Variants in FGF20 observed in about 807,000 individuals in gnomAD.
FGF20 encodes fibroblast growth factor 20.
Under a neutral mutation model 16.7 loss-of-function variants are expected in FGF20, and 8 were observed. That is an observed-to-expected ratio of 0.48 (90% CI 0.28 to 0.87). The LOEUF (loss-of-function observed/expected upper bound fraction) is 0.87, where lower values mean the gene tolerates loss of function less well. Among genes scored for constraint, FGF20 ranks in the 40% least tolerant of loss-of-function variants. FGF20 has a pLI of 0.10. For synonymous variants in FGF20, 161 were observed against 118.6 expected (o/e 1.36, Z -2.32); for missense variants, 397 against 281.4 (o/e 1.41, Z -2.94).
rs528927007 is a variant in FGF20, at chr8:17,001,958, G to A, written c.75C>T (p.Phe25=). 186 of 1,506,136 alleles carry A rather than the reference G, an allele frequency of 1.2e-4. No homozygotes were observed. The African/African-American group carries it at 2.4e-3, about 20-fold the overall frequency. 93.3% of individuals were successfully genotyped at this position (1,506,136 alleles called of 1,614,324 possible). The change falls in exon 1 of 3, where the codon TTC becomes TTT. Residue 25 remains phenylalanine (F), a synonymous_variant. Transcript: ENST00000180166. ...EGLGQQVGSH[F]LLPPAGERPP... Reference sequence around the variant, plus strand: ...GCCGCTCCCCGGCAGGAGGCAACAGGAAATGCGAACCCACCTGCTGGCCCA... The same window carrying A: ...GCCGCTCCCCGGCAGGAGGCAACAGAAAATGCGAACCCACCTGCTGGCCCA...
rs116309944 is a variant in FGF20, at chr8:16,992,918, G to T, written c.*154C>A. The T allele has an allele frequency of 1.1e-3, 1,106 of 994,486 alleles. 2 individuals carry two copies. Among genetic ancestry groups the T allele is most frequent in the African/African-American group, 7.2e-3 (441 of 60,990 alleles). The allele number at this position is 994,486 out of a possible 1,614,324, so 61.6% of individuals were successfully genotyped here. On this transcript the variant is annotated 3_prime_UTR_variant, in exon 3 of 3. Coordinates refer to ENST00000180166, the MANE Select transcript of FGF20 (RefSeq NM_019851.3). ...CTATTTCTAGTCAAAATTTTTTTTGGTTTTTTTTCTCAATATTCTTTCCAA... is the reference window on the plus strand; with the variant it reads ...CTATTTCTAGTCAAAATTTTTTTTGTTTTTTTTTCTCAATATTCTTTCCAA...
Position 17,001,729 on chromosome 8 carries a change from C to T in FGF20, c.286+18G>A. The T allele has an allele frequency of 1.8e-5, 28 of 1,562,576 alleles. No homozygotes were observed. The highest frequency in any genetic ancestry group is 2.4e-5 in the Non-Finnish European group (28 of 1,157,836). On this transcript the variant is annotated intron_variant, in intron 1 of 2. Coordinates refer to ENST00000180166, the MANE Select transcript of FGF20 (RefSeq NM_019851.3). ...GCTGGGGCGCAGATGGGGGTGGGGT[C>T]GGGATGCTAGTACGTACCGAAGAGG...
intron 1 of FGF20, among the ~76,000 whole-genome samples, chr8:17,000,862 T>C (rs927133404): frequency 2.0e-5 from 3 of 152,088 alleles, no homozygotes; most frequent in African/African-American, 7.2e-5. Context: ...TCCCAGGCAC[T>C]GCCGGAGGTA....
Position 16,993,163 on chromosome 8 carries a change from T to C in FGF20, c.545A>G (p.Lys182Arg), listed in dbSNP as rs1368510325. 3 of 1,614,120 alleles carry C rather than the reference T, an allele frequency of 1.9e-6. No individual in the cohort carries two copies. The part of the protein sequence containing the change: ...DGTPRDGARS[K>R]RHQKFTHFLP... ...GAAATGTGTAAATTTCTGATGCCTC[T>C]TGGACCTGGCGCCATCTCTTGGAGT... The change falls in exon 3 of 3, where the codon AAG becomes AGG. Residue 182 changes from lysine (K) to arginine (R), a missense_variant. By Grantham distance (26) the Lys-to-Arg change is conservative. Transcript: ENST00000180166.
Position 17,002,041 on chromosome 8 carries a change from A to G in FGF20, c.-9T>C. On this transcript the variant is annotated 5_prime_UTR_variant, in exon 1 of 3. Transcript: ENST00000180166. ...TCGGCTAAGGGAGCCATGGAGGGGG[A>G]GATCCGGAACACAAAAGACCCCCCC... is the stretch of plus-strand genomic sequence containing the variant. The G allele has an allele frequency of 1.3e-6, 2 of 1,534,482 alleles. No homozygotes were observed. Among genetic ancestry groups the G allele is most frequent in the South Asian group, 1.2e-5 (1 of 82,528 alleles).
rs574070314 is a variant in FGF20 at position 16,992,887 on chromosome 8, C to A, written c.*185G>T. The stretch of plus-strand genomic sequence containing the variant: ...ACTTAATCCACATATAAAGAGTGAT[C>A]ATGATCTATTTCTAGTCAAAATTTT... On this transcript the variant is annotated 3_prime_UTR_variant, in exon 3 of 3. Transcript: ENST00000180166. The A allele has an allele frequency of 9.1e-6, 6 of 657,292 alleles. No homozygotes were observed. Among genetic ancestry groups the A allele is most frequent in the Admixed American group, 3.1e-5 (1 of 32,742 alleles). The allele number at this position is 657,292 out of a possible 1,614,324, so 40.7% of individuals were successfully genotyped here. A position where few individuals can be genotyped will look rare whatever the true frequency, so the allele number is the denominator to read the frequency against.
rs1164980372 is a variant in FGF20 at position 16,993,283 on chromosome 8, T to C, written c.425A>G (p.Gln142Arg). ...GGTGTTATACCAGTTCTCTTCAAAC[T>C]GCTCCCTAAAGATGCATTCGGAAGT... ...KLTSECIFREQFEENWYNTYS... is the reference protein window; with the variant it reads ...KLTSECIFRERFEENWYNTYS... Residue 142 changes from glutamine (Q) to arginine (R), a missense_variant, in exon 3 of 3, where the codon CAG becomes CGG. By Grantham distance (43) the Gln-to-Arg change is conservative. Transcript: ENST00000180166. 6.2e-7 allele frequency: 1 copy of C among 1,613,648 alleles called. No homozygotes were observed. The highest frequency in any genetic ancestry group is 1.1e-5 in the South Asian group (1 of 90,954).
chr8:16,998,556 G>C (rs1054778429), intron 1 of FGF20, among the ~76,000 whole-genome samples: 4 of 152,132 alleles, frequency 2.6e-5, no homozygotes, highest in Non-Finnish European at 5.9e-5. Flanking sequence ...ACAGATTTTA[G>C]ATAGATTTTC....
rs1354870466 is a variant in FGF20 at position 17,001,882 on chromosome 8, C to G, written c.151G>C (p.Gly51Arg). The change falls in exon 1 of 3, where the codon GGG becomes CGG. Residue 51 changes from glycine to arginine, a missense_variant. Transcript: ENST00000180166. ...RSAAERSARG[G>R]PGAAQLAHLH... ...TGCGCCAGCTGCGCAGCCCCCGGCC[C>G]GCCGCGCGCGCTCCGCTCCGCCGCG... The G allele has an allele frequency of 7.0e-7, 1 of 1,435,802 alleles. No homozygotes were observed. Among genetic ancestry groups the G allele is most frequent in the Non-Finnish European group, 9.1e-7 (1 of 1,099,732 alleles). 88.9% of individuals were successfully genotyped at this position (1,435,802 alleles called of 1,614,324 possible).
chr8:16,997,214 A>T (rs1810076140), intron 1 of FGF20, among the ~76,000 whole-genome samples: 2 of 152,232 alleles, frequency 1.3e-5, no homozygotes, highest in African/African-American at 4.8e-5. Context: ...CACACACTAA[A>T]CTTTGGACTA....
chr8:16,995,601 A>T, intron 2 of FGF20, 54 bp downstream of exon 2: 1 of 714,040 alleles, frequency 1.4e-6, no homozygotes, highest in Non-Finnish European at 2.2e-6. Flanking sequence ...TACATAATAG[A>T]TAGTCAATAT....
rs1386560941 is a variant in FGF20 at position 17,002,004 on chromosome 8, A to T, written c.29T>A (p.Phe10Tyr). 3 of 1,534,126 alleles carry T rather than the reference A, an allele frequency of 2.0e-6. No individual in the cohort carries two copies. Among genetic ancestry groups the T allele is most frequent in the Non-Finnish European group, 2.6e-6 (3 of 1,140,986 alleles). The change falls in exon 1 of 3, where the codon TTT becomes TAT. Residue 10 changes from phenylalanine (F) to tyrosine (Y), a missense_variant. Physicochemically the swap from Phe to Tyr is conservative, Grantham distance 22. Transcript: ENST00000180166. MAPLAEVGG[F>Y]LGGLEGLGQQ... ...GCCCAAGCCCTCCAGGCCGCCCAGA[A>T]AGCCCCCGACTTCGGCTAAGGGAGC...
At chr8:17,000,915 C>A (rs902554343) in intron 1 of FGF20, among the ~76,000 whole-genome samples, 1 of 152,116 alleles carries the variant, frequency 6.6e-6, no homozygotes, top group Admixed American at 6.5e-5. Context: ...TATCTTCTTT[C>A]GCTTTCCCAT....
chr8:17,001,640 CG>C (rs1274571200), intron 1 of FGF20, 106 bp downstream of exon 1: 1 of 1,297,924 alleles, frequency 7.7e-7, no homozygotes, highest in African/African-American at 1.5e-5. Flanking sequence ...CTCCGGGCTC[CG>C]CGCGGCGATG....
intron 1 of FGF20, among the ~76,000 whole-genome samples, chr8:16,999,769 G>A (rs1050576255): frequency 6.8e-6 from 1 of 147,886 alleles, no homozygotes; most frequent in African/African-American, 2.5e-5. Flanking sequence ...TTGAACTCCT[G>A]ACCTCATGAT....
At chr8:16,994,501 C>T (rs2934237) in intron 2 of FGF20, among the ~76,000 whole-genome samples, 145,812 of 152,220 alleles carry the variant, frequency 0.96, 70,142 homozygotes, top group East Asian at 1. Flanking sequence ...TTCTATTAAT[C>T]TTATTGTAAT....
rs1283992489 is a variant in FGF20, at chr8:16,993,237, T to G, written c.471A>C (p.Lys157Asn). 1 of 1,614,118 alleles carries G rather than the reference T, an allele frequency of 6.2e-7. No individual in the cohort carries two copies. The change falls in exon 3 of 3, where the codon AAA becomes AAC. Residue 157 changes from lysine (K) to asparagine (N), a missense_variant. Transcript: ENST00000180166. ...AATACCTGCGGCCAGTGTCTCCATG[T>G]TTATATATGTTAGATGAATAGGTGT... ...WYNTYSSNIY[K>N]HGDTGRRYFV...
At chr8:16,997,466 TCTGA>T (rs1160124866) in intron 1 of FGF20, among the ~76,000 whole-genome samples, 2 of 152,228 alleles carry the variant, frequency 1.3e-5, no homozygotes, top group Admixed American at 6.5e-5. Context: ...AAGTACAGAA[TCTGA>T]CTATTTGCTG....
rs575400716 is a variant in FGF20, at chr8:16,993,057, T to C, written c.*15A>G. The C allele has an allele frequency of 2.5e-6, 4 of 1,611,312 alleles. No individual in the cohort carries two copies. Among genetic ancestry groups the C allele is most frequent in the Non-Finnish European group, 2.5e-6 (3 of 1,178,644 alleles). On this transcript the variant is annotated 3_prime_UTR_variant, in exon 3 of 3. Transcript: ENST00000180166. ...TGGTTGTGGTTTGACTCTTCCATAATGTCACTATCGCACTTCAAGTGTACA... is the reference window on the plus strand; with the variant it reads ...TGGTTGTGGTTTGACTCTTCCATAACGTCACTATCGCACTTCAAGTGTACA...
Sources: gnomAD v4.1 joint callset for allele counts (sites outside exome capture counted in the v4.1 genomes callset) on GRCh38, gnomAD v4.1.1 for gene constraint, MANE v1.5 for transcripts, NCBI Gene and HGNC (gene_info 2026-07-23, HGNC 2026-07-21) for gene names.